C16orf87: variants seen among roughly 807,000 people sequenced by gnomAD.
C16orf87 encodes HDAC and MIER1 interacting protein 1.
In C16orf87, 13 loss-of-function variants were observed where a neutral mutation model predicts 21.0. That is an observed-to-expected ratio of 0.62 (90% CI 0.40 to 0.98). C16orf87 has a LOEUF of 0.98. Among genes scored for constraint, C16orf87 ranks in the 50% least tolerant of loss-of-function variants. The probability of loss-of-function intolerance (pLI) is 0.00; values close to 1 mark genes in which losing one functional copy is unlikely to be tolerated. For missense variants in C16orf87, 113 were observed against 180.4 expected, an observed-to-expected ratio of 0.63 and a Z score of 2.14; for synonymous variants, 49 against 60.2, an observed-to-expected ratio of 0.81 and a Z score of 0.86.
At chr16:46,805,048 G>A (rs8046818) in intron 3 of C16orf87, among the ~76,000 whole-genome samples, 150,071 of 152,330 alleles carry the variant, frequency 0.99, 73,953 homozygotes, top group East Asian at 1. Flanking sequence ...ATATGATGAC[G>A]AACTCTGGTA....
At chr16:46,824,323 T>C in intron 2 of C16orf87, 63 bp downstream of exon 2, 1 of 777,916 alleles carries the variant, frequency 1.3e-6, no homozygotes, top group Admixed American at 2.6e-5. Context: ...AATAGAAACT[T>C]CACAAAAATT....
chr16:46,802,822 A>T lies in C16orf87; in HGVS notation c.*130T>A, dbSNP rs1967814920. The T allele has an allele frequency of 1.6e-6, 1 of 635,304 alleles. No homozygotes were observed. The highest frequency in any genetic ancestry group is 2.9e-6 in the Non-Finnish European group (1 of 349,678). The allele number at this position is 635,304 out of a possible 1,614,324, so 39.4% of individuals were successfully genotyped here. The stretch of plus-strand genomic sequence containing the variant: ...GCTCCCGAAGTGTGGCACAGGCTAA[A>T]CGACAGGCGAGAAAGAAACAATCGA... On this transcript the variant is annotated 3_prime_UTR_variant, in exon 4 of 4. Transcript: ENST00000285697.
At chr16:46,829,212 C>T (rs1959748455) in intron 1 of C16orf87, among the ~76,000 whole-genome samples, 1 of 152,104 alleles carries the variant, frequency 6.6e-6, no homozygotes, top group Non-Finnish European at 1.5e-5. Flanking sequence ...AGACAGCCAT[C>T]TGCAAGCCAA....
intron 2 of C16orf87, among the ~76,000 whole-genome samples, chr16:46,821,783 A>T (rs1268629416): frequency 6.6e-6 from 1 of 152,136 alleles, no homozygotes; most frequent in Non-Finnish European, 1.5e-5. Flanking sequence ...TTCCATGATG[A>T]CAACTACCAT....
At position 46,799,506 on chromosome 16, in the gene C16orf87, T is replaced by C. The variant is rs1388794626; in HGVS notation, c.*3446A>G. ...AAAAAATGCTTTTAACTAGCAAGAA[T>C]ATAAGGCATCAAACCAAACTAGAAG... is the stretch of plus-strand genomic sequence containing the variant. On this transcript the variant is annotated 3_prime_UTR_variant, in exon 4 of 4. Coordinates refer to ENST00000285697, the MANE Select transcript of C16orf87 (RefSeq NM_001001436.4). 6.6e-6 allele frequency: 1 copy of C among 152,166 alleles called. No individual in the cohort carries two copies. Among genetic ancestry groups the C allele is most frequent in the Admixed American group, 6.5e-5 (1 of 15,278 alleles). 9.4% of individuals were successfully genotyped at this position (152,166 alleles called of 1,614,324 possible).
chr16:46,804,016 A>T (rs966332943), intron 3 of C16orf87, among the ~76,000 whole-genome samples: 7 of 152,174 alleles, frequency 4.6e-5, no homozygotes, highest in African/African-American at 1.7e-4. Context: ...GTTTTCAGTG[A>T]TTACATTATT....
chr16:46,803,755 C>T (rs1967843520), intron 3 of C16orf87, among the ~76,000 whole-genome samples: 1 of 149,958 alleles, frequency 6.7e-6, no homozygotes, highest in Non-Finnish European at 1.5e-5. Context: ...TTGCCCCATA[C>T]ACATTTTCCA....
Position 46,801,937 on chromosome 16 carries a change from A to G in C16orf87, c.*1015T>C, listed in dbSNP as rs754221092. 20 of 152,236 alleles carry G rather than the reference A, an allele frequency of 1.3e-4. No homozygotes were observed. Among genetic ancestry groups the G allele is most frequent in the Non-Finnish European group, 2.5e-4 (17 of 68,038 alleles). 9.4% of individuals were successfully genotyped at this position (152,236 alleles called of 1,614,324 possible). A position where few individuals can be genotyped will look rare whatever the true frequency, so the allele number is the denominator to read the frequency against. ...GCCAAAATGCAAAAGCATTTAATATAAATCAACTATAAACGATTATGACTT... is the reference window on the plus strand; with the variant it reads ...GCCAAAATGCAAAAGCATTTAATATGAATCAACTATAAACGATTATGACTT... On this transcript the variant is annotated 3_prime_UTR_variant, in exon 4 of 4. Transcript: ENST00000285697.
intron 2 of C16orf87, among the ~76,000 whole-genome samples, chr16:46,815,419 C>T (rs144345521): frequency 3.2e-4 from 48 of 149,078 alleles, no homozygotes; most frequent in African/African-American, 1.2e-3. Context: ...CAAAATTAAA[C>T]TTCTGTGTAT....
chr16:46,812,320 A>C (rs1968113422), intron 2 of C16orf87, among the ~76,000 whole-genome samples: 2 of 152,224 alleles, frequency 1.3e-5, no homozygotes, highest in South Asian at 4.1e-4. Flanking sequence ...ATCTGTTTTT[A>C]AAATTCTAAG....
intron 1 of C16orf87, among the ~76,000 whole-genome samples, chr16:46,826,101 C>T (rs1030226484): frequency 1.3e-5 from 2 of 152,042 alleles, no homozygotes; most frequent in South Asian, 2.1e-4. Flanking sequence ...GGAATGACTC[C>T]GGACAAGATA....
chr16:46,816,396 T>C (rs1339661908), intron 2 of C16orf87, among the ~76,000 whole-genome samples: 1 of 152,126 alleles, frequency 6.6e-6, no homozygotes, highest in Non-Finnish European at 1.5e-5. Flanking sequence ...TGTTATATTT[T>C]CCCACAATAA....
At chr16:46,812,536 G>A (rs919287371) in intron 2 of C16orf87, among the ~76,000 whole-genome samples, 1 of 152,112 alleles carries the variant, frequency 6.6e-6, no homozygotes, top group African/African-American at 2.4e-5. Context: ...ATTGTGGATG[G>A]GGCAGGGTTG....
At chr16:46,809,919 T>A (rs1207144856) in intron 2 of C16orf87, 134 bp from the exon 3 acceptor site, 5 of 569,324 alleles carry the variant, frequency 8.8e-6, no homozygotes, top group Non-Finnish European at 1.2e-5. Flanking sequence ...ACTACAACCA[T>A]AACATATATG....
At chr16:46,829,928 T>TAA (rs527744708) in intron 1 of C16orf87, among the ~76,000 whole-genome samples, 1 of 84,338 alleles carries the variant, frequency 1.2e-5, no homozygotes, top group Non-Finnish European at 2.3e-5. Flanking sequence ...ACTCTTGATT[T>TAA]AAAAAAAAAA....
At chr16:46,803,244 T>A (rs1967829288) in intron 3 of C16orf87, among the ~76,000 whole-genome samples, 174 bp from the exon 4 acceptor site, 1 of 152,200 alleles carries the variant, frequency 6.6e-6, no homozygotes. Flanking sequence ...ACAAAGGAGT[T>A]ACTGAAATGA....
At position 46,797,183 on chromosome 16, in the gene C16orf87, TGAAAA is replaced by T; in HGVS notation, c.*5764_*5768del. 1.3e-5 allele frequency: 2 copies of T among 152,290 alleles called. No individual in the cohort carries two copies. Among genetic ancestry groups the T allele is most frequent in the Middle Eastern group, 6.8e-3 (2 of 294 alleles). The allele number at this position is 152,290 out of a possible 1,614,324, so 9.4% of individuals were successfully genotyped here. The stretch of plus-strand genomic sequence containing the variant: ...CCTGCACTAAAAGAAATTTTCCAGA[TGAAAA>T]GGACTGATACCTATGTAAACTTGGA... On this transcript the variant is annotated 3_prime_UTR_variant, in exon 4 of 4. Coordinates refer to ENST00000285697, the MANE Select transcript of C16orf87 (RefSeq NM_001001436.4).
intron 3 of C16orf87, among the ~76,000 whole-genome samples, chr16:46,804,107 ATTTC>A (rs915841614): frequency 2.6e-5 from 4 of 152,152 alleles, no homozygotes; most frequent in East Asian, 1.9e-4. Context: ...CTTAGTTTTC[ATTTC>A]TAACTCAACC....
In C16orf87 at chr16:46,800,976, A is replaced by G. The variant is rs1967754370; in HGVS notation, c.*1976T>C. The stretch of plus-strand genomic sequence containing the variant: ...CTTTACCATATCCAATGAATATTTT[A>G]ACATGACTTTCCTGTAATGGTCTTC... On this transcript the variant is annotated 3_prime_UTR_variant, in exon 4 of 4. Coordinates refer to ENST00000285697, the MANE Select transcript of C16orf87 (RefSeq NM_001001436.4). 1 of 152,186 alleles carries G rather than the reference A, an allele frequency of 6.6e-6. No homozygotes were observed. The allele number at this position is 152,186 out of a possible 1,614,324, so 9.4% of individuals were successfully genotyped here.
Sources: allele counts gnomAD v4.1 joint callset (sites outside exome capture counted in the v4.1 genomes callset), GRCh38; gene constraint gnomAD v4.1.1; transcripts MANE v1.5; gene names NCBI Gene and HGNC (gene_info 2026-07-23, HGNC 2026-07-21).